Variants in DOK6 observed in about 807,000 individuals in gnomAD.
DOK6 encodes downstream of tyrosine kinase 6.
Under a neutral mutation model 44.0 loss-of-function variants are expected in DOK6, and 22 were observed. That is an observed-to-expected ratio of 0.50 (90% confidence interval 0.36 to 0.71). The LOEUF (loss-of-function observed/expected upper bound fraction) is 0.71, where lower values mean the gene tolerates loss of function less well. Ranked by LOEUF, DOK6 falls within the 30% of genes least tolerant of loss-of-function variation. The pLI is 0.00. For synonymous variants in DOK6, 166 were observed against 145.5 expected (o/e 1.14, Z -1.01); for missense variants, 340 against 416.4 (o/e 0.82, Z 1.60).
At chr18:69,743,050 C>G (rs6566441) in intron 6 of DOK6, among the ~76,000 whole-genome samples, 84,717 of 152,060 alleles carry the variant, frequency 0.56, 25,271 homozygotes, top group East Asian at 0.69. Flanking sequence ...GAATCAGAAA[C>G]TGGTCTTGGC....
At chr18:69,411,476 T>C (rs1222608423) in intron 1 of DOK6, among the ~76,000 whole-genome samples, 1 of 152,118 alleles carries the variant, frequency 6.6e-6, no homozygotes, top group Admixed American at 6.6e-5. Flanking sequence ...GGAGAACCAT[T>C]GCCACAGAAG....
At chr18:69,695,813 G>A (rs913529777) in intron 4 of DOK6, among the ~76,000 whole-genome samples, 2 of 152,162 alleles carry the variant, frequency 1.3e-5, no homozygotes, top group Non-Finnish European at 1.5e-5. Context: ...TTAGCATAAT[G>A]TCTTTCTAAA....
At chr18:69,733,259 T>C (rs1978478331) in intron 5 of DOK6, among the ~76,000 whole-genome samples, 1 of 152,198 alleles carries the variant, frequency 6.6e-6, no homozygotes, top group South Asian at 2.1e-4. Context: ...TATGTAAAGA[T>C]TTATTAGTGA....
chr18:69,431,245 C>T (rs1978799371), intron 1 of DOK6, among the ~76,000 whole-genome samples: 1 of 152,142 alleles, frequency 6.6e-6, no homozygotes. Flanking sequence ...AACATCAGTT[C>T]TGAACTGCAG....
At chr18:69,489,752 T>G (rs1980683016) in intron 1 of DOK6, among the ~76,000 whole-genome samples, 1 of 152,198 alleles carries the variant, frequency 6.6e-6, no homozygotes, top group African/African-American at 2.4e-5. Context: ...TTTTGTAATT[T>G]TGGCCATACA....
intron 4 of DOK6, among the ~76,000 whole-genome samples, 193 bp downstream of exon 4, chr18:69,678,046 C>T (rs751730518): frequency 1.2e-4 from 19 of 152,168 alleles, no homozygotes; most frequent in Non-Finnish European, 2.6e-4. Context: ...GCTAGGAGTT[C>T]GAGACCAGCC....
intron 7 of DOK6, among the ~76,000 whole-genome samples, chr18:69,802,291 A>T (rs1980925966): frequency 6.6e-6 from 1 of 152,120 alleles, no homozygotes; most frequent in African/African-American, 2.4e-5. Flanking sequence ...AGATTTTTCA[A>T]CTTCATGATG....
chr18:69,846,874 T>C lies in DOK6; in HGVS notation c.*5491T>C, dbSNP rs960180300. ...TCAACAAGAATTGGGGAAATGACTTTTTTACATTATAATACCTTATATATT... is the reference window on the plus strand; with the variant it reads ...TCAACAAGAATTGGGGAAATGACTTCTTTACATTATAATACCTTATATATT... On this transcript the variant is annotated 3_prime_UTR_variant, in exon 8 of 8. Transcript: ENST00000382713. The C allele has an allele frequency of 4.6e-5, 7 of 152,196 alleles. No homozygotes were observed. Among genetic ancestry groups the C allele is most frequent in the South Asian group, 2.1e-4 (1 of 4,828 alleles). 9.4% of individuals were successfully genotyped at this position (152,196 alleles called of 1,614,324 possible). A position where few individuals can be genotyped will look rare whatever the true frequency, so the allele number is the denominator to read the frequency against.
intron 6 of DOK6, among the ~76,000 whole-genome samples, chr18:69,744,144 C>T (rs944841663): frequency 6.6e-6 from 1 of 152,000 alleles, no homozygotes; most frequent in Admixed American, 6.6e-5. Context: ...AACCCCGTCT[C>T]TACTAAAAAT....
At chr18:69,419,244 A>G (rs1978419202) in intron 1 of DOK6, among the ~76,000 whole-genome samples, 1 of 152,178 alleles carries the variant, frequency 6.6e-6, no homozygotes, top group South Asian at 2.1e-4. Flanking sequence ...AGTAAAAGAG[A>G]GATCACTGAG....
chr18:69,794,502 G>A (rs1980688716), intron 7 of DOK6, among the ~76,000 whole-genome samples: 2 of 152,122 alleles, frequency 1.3e-5, no homozygotes, highest in South Asian at 4.1e-4. Flanking sequence ...CTGGCAGTGG[G>A]AACATTGACA....
At chr18:69,598,663 T>G (rs1599213762) in intron 2 of DOK6, among the ~76,000 whole-genome samples, 1 of 152,186 alleles carries the variant, frequency 6.6e-6, no homozygotes, top group African/African-American at 2.4e-5. Flanking sequence ...AATATACATT[T>G]GTTTGTTTCT....
At chr18:69,834,133 C>G (rs541375737) in intron 7 of DOK6, among the ~76,000 whole-genome samples, 1 of 152,126 alleles carries the variant, frequency 6.6e-6, no homozygotes, top group Non-Finnish European at 1.5e-5. Flanking sequence ...CAACCTATGT[C>G]CATAAACAGA....
chr18:69,435,064 AAGGAAGGAAGGAAGGAAG>A (rs1175040014), intron 1 of DOK6, among the ~76,000 whole-genome samples: 4 of 150,140 alleles, frequency 2.7e-5, no homozygotes, highest in African/African-American at 9.8e-5. Flanking sequence ...GGAAGGAAGG[AAGGAAGGAAGGAAGGAAG>A]GAAGGAAGGA....
At position 69,757,873 on chromosome 18, in the gene DOK6, G is replaced by A. The variant is rs563183019; in HGVS notation, c.856G>A (p.Gly286Ser). ...CGTTGGTGAAATCTACAGTTTGCAAGGCAAGTCACTTTAATGTAAGAAAGC... is the reference window on the plus strand; with the variant it reads ...CGTTGGTGAAATCTACAGTTTGCAAAGCAAGTCACTTTAATGTAAGAAAGC... ...NSVGEIYSLQ[G>S]HGFGSSKMSR... is the part of the protein sequence containing the mutation. Residue 286 changes from glycine (G) to serine (S), a missense_variant and splice_region_variant, in exon 7 of 8, where the codon GGT becomes AGT. Physicochemically the swap from Gly to Ser is moderately conservative, Grantham distance 56. Around this residue, in one of 3 missense-constraint regions of DOK6, gnomAD observed 112 missense variants for 109.3 expected, o/e 1.02. Coordinates refer to ENST00000382713, the MANE Select transcript of DOK6 (RefSeq NM_152721.6). 6.2e-7 allele frequency: 1 copy of A among 1,613,304 alleles called. No homozygotes were observed. The highest frequency in any genetic ancestry group is 2.2e-5 in the East Asian group (1 of 44,866).
intron 7 of DOK6, among the ~76,000 whole-genome samples, chr18:69,818,682 G>A (rs1981475106): frequency 6.6e-6 from 1 of 152,168 alleles, no homozygotes; most frequent in Non-Finnish European, 1.5e-5. Context: ...AATAACTGGG[G>A]CTGTAGCCTA....
At chr18:69,806,211 T>A (rs1027462407) in intron 7 of DOK6, among the ~76,000 whole-genome samples, 1 of 152,002 alleles carries the variant, frequency 6.6e-6, no homozygotes, top group Non-Finnish European at 1.5e-5. Context: ...ATGTCATTAA[T>A]GGTATCCACA....
At chr18:69,613,791 A>T (rs1225135036) in intron 3 of DOK6, among the ~76,000 whole-genome samples, 1 of 151,906 alleles carries the variant, frequency 6.6e-6, no homozygotes, top group Non-Finnish European at 1.5e-5. Flanking sequence ...TGAAGCATTG[A>T]ATGTATTCCA....
In DOK6 at chr18:69,685,217, C is replaced by T. The variant is rs575623808; in HGVS notation, c.409+7364C>T. 3.6e-4 allele frequency among the ~76,000 whole-genome samples: 55 copies of T among 152,032 alleles called. 1 individual carries two copies. The highest frequency in any genetic ancestry group is 3.5e-3 in the Admixed American group (53 of 15,278). ...TTCATTTTTTGGTATACGTAAGTTT[C>T]GATTATCCATTTTTTTTTCCTGCTG... is the stretch of plus-strand genomic sequence containing the variant. On this transcript the variant is annotated intron_variant, in intron 4 of 7. Coordinates refer to ENST00000382713, the MANE Select transcript of DOK6 (RefSeq NM_152721.6).
Sources: gnomAD v4.1 joint callset for allele counts (sites outside exome capture counted in the v4.1 genomes callset) on GRCh38, gnomAD v4.1.1 for gene constraint, gnomAD v4.1.1 regional missense constraint, MANE v1.5 for transcripts, NCBI Gene and HGNC (gene_info 2026-07-23, HGNC 2026-07-21) for gene names.